CARNMT1: variants seen among roughly 807,000 people sequenced by gnomAD.
The protein encoded by CARNMT1 is protein-L-histidine N-pros-methyltransferase CARNMT1.
CARNMT1 carries 28 observed loss-of-function variants against 49.6 expected under a neutral mutation model. The observed-to-expected ratio is 0.56, with a 90% CI of 0.42 to 0.77. The LOEUF (loss-of-function observed/expected upper bound fraction) is 0.77, where lower values mean the gene tolerates loss of function less well. Ranked by LOEUF, CARNMT1 falls within the 30% of genes least tolerant of loss-of-function variation. The probability of loss-of-function intolerance (pLI) is 0.00; values close to 1 mark genes in which losing one functional copy is unlikely to be tolerated. For synonymous variants in CARNMT1, 178 were observed against 175.0 expected, an observed-to-expected ratio of 1.02 and a Z score of -0.13; for missense variants, 421 against 512.6, an observed-to-expected ratio of 0.82 and a Z score of 1.73.
chr9:74,988,907 C>T (rs1832929738), intron 6 of CARNMT1, among the ~76,000 whole-genome samples: 1 of 152,132 alleles, frequency 6.6e-6, no homozygotes, highest in African/African-American at 2.4e-5. Context: ...TACTGTTTTT[C>T]TAGAAGAAAG....
Position 74,983,853 on chromosome 9 carries a change from C to T in CARNMT1, c.1144G>A (p.Val382Ile). 6.3e-7 allele frequency: 1 copy of T among 1,595,492 alleles called. No homozygotes were observed. Among genetic ancestry groups the T allele is most frequent in the Non-Finnish European group, 8.5e-7 (1 of 1,170,754 alleles). Residue 382 changes from valine (V) to isoleucine (I), a missense_variant, in exon 8 of 8, where the codon GTA (valine) becomes ATA (isoleucine). Val to Ile is a conservative substitution (Grantham distance 29). Around this residue, in one of 2 missense-constraint regions of CARNMT1, gnomAD observed 235 missense variants for 344.8 expected, o/e 0.68. Transcript: ENST00000376834. ...GFKVEVEKESVLSTYTVNDLS... is the reference protein window; with the variant it reads ...GFKVEVEKESILSTYTVNDLS... ...TCATTCACAGTATATGTTGACAATA[C>T]AGATTCTTTTTCCACCTGCAATGCA...
chr9:75,016,351 CCA>C lies in CARNMT1; in HGVS notation c.505_506del (p.Trp169GlufsTer2), dbSNP rs1354630917. ...KSTLKQFVRDWSETGKAERDA... is the reference protein window; with the variant it reads ...KSTLKQFVRDXSETGKAERDA... ...CCCTTTCTGCTTTCCCAGTTTCACT[CCA>C]GTCTCTCACAAACTGTTTCAGCGTG... On this transcript the variant is annotated frameshift_variant, in exon 3 of 8. Coordinates refer to ENST00000376834, the MANE Select transcript of CARNMT1 (RefSeq NM_152420.3). LOFTEE classifies it high-confidence loss of function. The C allele has an allele frequency of 6.2e-7, 1 of 1,614,014 alleles. No individual in the cohort carries two copies. Among genetic ancestry groups the C allele is most frequent in the Non-Finnish European group, 8.5e-7 (1 of 1,179,926 alleles).
At chr9:74,993,294 C>T (rs908668740) in intron 6 of CARNMT1, among the ~76,000 whole-genome samples, 3 of 152,066 alleles carry the variant, frequency 2.0e-5, no homozygotes, top group Non-Finnish European at 4.4e-5. Context: ...TTTAAGAACA[C>T]ATAAGGACTA....
Position 74,983,734 on chromosome 9 carries a change from A to C in CARNMT1, c.*33T>G, listed in dbSNP as rs768397946. On this transcript the variant is annotated 3_prime_UTR_variant, in exon 8 of 8. Transcript: ENST00000376834. The stretch of plus-strand genomic sequence containing the variant: ...GTTGATTTCAGCATTTGTTCTTACT[A>C]AACTTTTTTCCAGGTGGTATCACTT... The C allele has an allele frequency of 7.4e-6, 10 of 1,353,818 alleles. No homozygotes were observed. The Admixed American group carries it at 1.2e-4, about 17-fold the overall frequency. 83.9% of individuals were successfully genotyped at this position (1,353,818 alleles called of 1,614,324 possible).
At chr9:75,010,071 T>C (rs1397978865) in intron 3 of CARNMT1, 1 of 140,750 alleles carries the variant, frequency 7.1e-6, no homozygotes, top group African/African-American at 2.6e-5. Context: ...AAAATGAGTA[T>C]AAGAGATAAA....
At chr9:74,993,769 C>A (rs1025593665) in intron 6 of CARNMT1, among the ~76,000 whole-genome samples, 32 of 152,034 alleles carry the variant, frequency 2.1e-4, no homozygotes, top group African/African-American at 5.3e-4. Flanking sequence ...CAGGTCAGAC[C>A]CCCACTTCCC....
At chr9:75,025,333 G>T (rs1822492339) in intron 1 of CARNMT1, among the ~76,000 whole-genome samples, 2 of 152,134 alleles carry the variant, frequency 1.3e-5, no homozygotes, top group Non-Finnish European at 2.9e-5. Context: ...GAAGATACTG[G>T]TAACATCTGA....
At position 74,996,652 on chromosome 9, in the gene CARNMT1, G is replaced by A. The variant is rs143994606; in HGVS notation, c.911-92C>T. The A allele has an allele frequency of 2.2e-4, 153 of 692,408 alleles. No individual in the cohort carries two copies. In the African/African-American group the frequency reaches 2.2e-3, roughly 10 times the overall value. 42.9% of individuals were successfully genotyped at this position (692,408 alleles called of 1,614,324 possible). ...TTAAATCTGCCAGTTACCTTTTACA[G>A]AGTATTAATATTTGACAGAGATACA... is the stretch of plus-strand genomic sequence containing the variant. On this transcript the variant is annotated intron_variant, in intron 5 of 7. Transcript: ENST00000376834.
chr9:75,019,636 T>C (rs1237872609), intron 1 of CARNMT1, among the ~76,000 whole-genome samples: 1 of 152,214 alleles, frequency 6.6e-6, no homozygotes, highest in Non-Finnish European at 1.5e-5. Flanking sequence ...TCCTTTCTAC[T>C]TACCATAGCT....
At position 74,989,195 on chromosome 9, in the gene CARNMT1, T is replaced by C. The variant is rs147653019; in HGVS notation, c.1025-4185A>G. On this transcript the variant is annotated intron_variant, in intron 6 of 7. Coordinates refer to ENST00000376834, the MANE Select transcript of CARNMT1 (RefSeq NM_152420.3). Reference sequence around the variant, plus strand: ...GGCATAGGCATAGTTCACTGCAGCCTTGAATTTCTGGGCTCCAGTGATCCT... The same window carrying C: ...GGCATAGGCATAGTTCACTGCAGCCCTGAATTTCTGGGCTCCAGTGATCCT... Among the ~76,000 whole-genome samples, 1,315 of 152,296 alleles carry C rather than the reference T, an allele frequency of 8.6e-3. 16 individuals carry two copies. The highest frequency in any genetic ancestry group is 0.03 in the African/African-American group (1,233 of 41,564).
chr9:74,993,475 A>AT (rs1833093812), intron 6 of CARNMT1, among the ~76,000 whole-genome samples: 1 of 152,168 alleles, frequency 6.6e-6, no homozygotes, highest in African/African-American at 2.4e-5. Context: ...ACAGATTTGC[A>AT]TGTTAGGAAG....
At chr9:75,025,636 G>A (rs1822502360) in intron 1 of CARNMT1, among the ~76,000 whole-genome samples, 1 of 152,080 alleles carries the variant, frequency 6.6e-6, no homozygotes, top group Non-Finnish European at 1.5e-5. Flanking sequence ...GGCTATGCAA[G>A]TTTGCTAAGT....
At chr9:74,992,740 CA>C (rs1442012511) in intron 6 of CARNMT1, among the ~76,000 whole-genome samples, 4 of 152,120 alleles carry the variant, frequency 2.6e-5, no homozygotes, top group East Asian at 3.8e-4. Flanking sequence ...TGATCCCCAC[CA>C]AATCTGATTT....
Position 74,987,243 on chromosome 9 carries a change from G to C in CARNMT1, c.1025-2233C>G, listed in dbSNP as rs534653226. Among the ~76,000 whole-genome samples the C allele has an allele frequency of 6.6e-5, 10 of 152,250 alleles. No homozygotes were observed. In the South Asian group the frequency reaches 1.9e-3, roughly 28 times the overall value. On this transcript the variant is annotated intron_variant, in intron 6 of 7. Coordinates refer to ENST00000376834, the MANE Select transcript of CARNMT1 (RefSeq NM_152420.3). Reference sequence around the variant, plus strand: ...ACACCTTGCCAGTTTCTAAGTTATAGATACACTCACCATATGTGACCCAGC... The same window carrying C: ...ACACCTTGCCAGTTTCTAAGTTATACATACACTCACCATATGTGACCCAGC...
chr9:74,998,316 T>A (rs1833255688), intron 5 of CARNMT1, among the ~76,000 whole-genome samples: 1 of 152,168 alleles, frequency 6.6e-6, no homozygotes, highest in African/African-American at 2.4e-5. Flanking sequence ...TAATAACCTT[T>A]CATTTTTTTG....
At chr9:75,003,163 C>A (rs568633911) in intron 3 of CARNMT1, among the ~76,000 whole-genome samples, 1 of 152,258 alleles carries the variant, frequency 6.6e-6, no homozygotes, top group East Asian at 1.9e-4. Context: ...TCTCACTGAT[C>A]CCAGAAGACT....
chr9:75,014,892 A>G lies in CARNMT1; in HGVS notation c.590+1376T>C, dbSNP rs560396250. 3.1e-3 allele frequency among the ~76,000 whole-genome samples: 472 copies of G among 152,210 alleles called. 2 individuals carry two copies. The highest frequency in any genetic ancestry group is 0.011 in the African/African-American group (446 of 41,566). ...AAATAAAATGTCCTAACAAAAAATA[A>G]AGAGAGAGAAGAGACACATATGTAT... On this transcript the variant is annotated intron_variant, in intron 3 of 7. Coordinates refer to ENST00000376834, the MANE Select transcript of CARNMT1 (RefSeq NM_152420.3).
At chr9:74,986,773 ATTC>A (rs2118750868) in intron 6 of CARNMT1, among the ~76,000 whole-genome samples, 1 of 152,286 alleles carries the variant, frequency 6.6e-6, no homozygotes, top group South Asian at 2.1e-4. Context: ...CCTACTGCTC[ATTC>A]TTCTTAATGT....
In CARNMT1 at chr9:75,028,246, G is replaced by T; in HGVS notation, c.-5C>A. On this transcript the variant is annotated 5_prime_UTR_variant, in exon 1 of 8. Transcript: ENST00000376834. ...AGGGCGACGCCGTCGCTGCATCGCC[G>T]CCGCGGCCCTCGGCCTGGCTCGCTT... 1 of 1,374,630 alleles carries T rather than the reference G, an allele frequency of 7.3e-7. No individual in the cohort carries two copies. Among genetic ancestry groups the T allele is most frequent in the Non-Finnish European group, 9.4e-7 (1 of 1,067,904 alleles). 85.2% of individuals were successfully genotyped at this position (1,374,630 alleles called of 1,614,324 possible).
Sources: allele counts gnomAD v4.1 joint callset (sites outside exome capture counted in the v4.1 genomes callset), GRCh38; gene constraint gnomAD v4.1.1; regional missense constraint gnomAD v4.1.1; transcripts MANE v1.5; gene names NCBI Gene and HGNC (gene_info 2026-07-23, HGNC 2026-07-21).